Variants in SLC2A9 observed in about 807,000 individuals in gnomAD.
The protein encoded by SLC2A9 is solute carrier family 2 member 9.
In SLC2A9, 39 loss-of-function variants were observed where a neutral mutation model predicts 50.6. The ratio of observed to expected loss-of-function variants is 0.77; its 90% CI spans 0.60 to 1.01. SLC2A9 has a LOEUF of 1.01. SLC2A9 is among the 50% of genes least tolerant of loss of function. SLC2A9 has a pLI of 0.00. For missense variants in SLC2A9, 686 were observed against 677.6 expected (o/e 1.01, Z -0.14); for synonymous variants, 324 against 276.9 (o/e 1.17, Z -1.69).
At chr4:9,884,408 T>A (rs572215227) in intron 10 of SLC2A9, among the ~76,000 whole-genome samples, 2 of 151,390 alleles carry the variant, frequency 1.3e-5, no homozygotes, top group Non-Finnish European at 2.9e-5. Context: ...ATAGCTGAGA[T>A]TACAGGTACA....
At chr4:9,989,865 C>G (rs115524913) in intron 3 of SLC2A9, among the ~76,000 whole-genome samples, 133 of 152,054 alleles carry the variant, frequency 8.7e-4, no homozygotes, top group African/African-American at 3.2e-3. Flanking sequence ...GCTTTTGCAC[C>G]TGCTGCCTCC....
Position 9,936,672 on chromosome 4 carries a change from C to T in SLC2A9, c.814+5241G>A, listed in dbSNP as rs150683435. Among the ~76,000 whole-genome samples the T allele has an allele frequency of 2.6e-3, 390 of 152,198 alleles. 6 individuals are homozygous for T. Among genetic ancestry groups the T allele is most frequent in the African/African-American group, 9.2e-3 (381 of 41,500 alleles). On this transcript the variant is annotated intron_variant, in intron 6 of 11. Coordinates refer to ENST00000264784, the MANE Select transcript of SLC2A9 (RefSeq NM_020041.3). ...ACAGAAGGGGCGGGAAGGCGCTCGA[C>T]ATGCTAGAGGGAGGAGAAATCGGGG...
intron 5 of SLC2A9, among the ~76,000 whole-genome samples, chr4:9,967,167 T>C (rs1012007259): frequency 1.1e-4 from 17 of 152,226 alleles, no homozygotes; most frequent in Non-Finnish European, 1.5e-4. Flanking sequence ...GAGATTGTTT[T>C]TTAAAATTCA....
At chr4:9,967,554 A>G (rs964249581) in intron 5 of SLC2A9, among the ~76,000 whole-genome samples, 3 of 151,994 alleles carry the variant, frequency 2.0e-5, no homozygotes, top group Admixed American at 1.3e-4. Context: ...TTAAAAAATT[A>G]TAAGACAAAA....
chr4:9,827,376 G>A (rs1725319120), intron 11 of SLC2A9, among the ~76,000 whole-genome samples: 1 of 152,312 alleles, frequency 6.6e-6, no homozygotes, highest in African/African-American at 2.4e-5. Flanking sequence ...CACCATTCCA[G>A]AAATAAAAGA....
In SLC2A9 at chr4:9,882,706, C is replaced by T. The variant is rs796260008; in HGVS notation, c.1291+4861G>A. 3.1e-3 allele frequency among the ~76,000 whole-genome samples: 317 copies of T among 103,680 alleles called. 3 individuals are homozygous for T. The highest frequency in any genetic ancestry group is 9.0e-3 in the African/African-American group (289 of 32,286). 68.0% of individuals were successfully genotyped at this position (103,680 alleles called of 152,430 possible). On this transcript the variant is annotated intron_variant, in intron 10 of 11. Transcript: ENST00000264784. ...CCTGGGCAACAGAGTGAGACTCTGT[C>T]TCAAGAAAAAAAAAAAAAAAAAGGA...
chr4:10,022,676 A>C (rs2109573053), upstream of SLC2A9, among the ~76,000 whole-genome samples: 1 of 152,340 alleles, frequency 6.6e-6, no homozygotes, highest in South Asian at 2.1e-4. Flanking sequence ...CACAAAAGAG[A>C]GATCGAAAAG....
chr4:9,847,577 G>A (rs1448320368), intron 10 of SLC2A9, among the ~76,000 whole-genome samples: 2 of 152,178 alleles, frequency 1.3e-5, no homozygotes, highest in South Asian at 2.1e-4. Flanking sequence ...TGCTGGGAAC[G>A]GACTACGTGC....
upstream of SLC2A9, chr4:10,025,716 A>C (rs1560508163): frequency 1.0e-5 from 6 of 602,472 alleles, no homozygotes; most frequent in Admixed American, 2.9e-5. Context: ...CACTCTTCTG[A>C]GCCTCATCCC....
exon 4 of SLC2A9, chr4:9,799,082 T>C (rs1367609155): frequency 6.6e-6 from 1 of 152,172 alleles, no homozygotes; most frequent in Non-Finnish European, 1.5e-5. Context: ...CATGACTCAG[T>C]TTGACTTTTC....
chr4:9,834,893 G>A lies in SLC2A9; in HGVS notation c.1407C>T (p.Phe469=). 2 of 1,614,148 alleles carry A rather than the reference G, an allele frequency of 1.2e-6. No individual in the cohort carries two copies. Among genetic ancestry groups the A allele is most frequent in the South Asian group, 2.2e-5 (2 of 91,078 alleles). The change falls in exon 11 of 12, where the codon TTC becomes TTT. Residue 469 remains phenylalanine, a synonymous_variant. Transcript: ENST00000264784. ...WLSNFAVGLL[F]PFIQKSLDTY... is the part of the protein sequence containing the mutation. The stretch of plus-strand genomic sequence containing the variant: ...TTGTCAGTCATACCTGAATGAATGG[G>A]AAGAGGAGCCCAACAGCAAAGTTGG...
chr4:9,807,555 C>T (rs1361182338), intron 3 of SLC2A9, among the ~76,000 whole-genome samples: 3 of 152,186 alleles, frequency 2.0e-5, no homozygotes, highest in Admixed American at 6.5e-5. Flanking sequence ...GGCCTCTTGC[C>T]TTTTGCATTT....
chr4:10,020,196 C>T (rs962119138), intron 1 of SLC2A9, among the ~76,000 whole-genome samples: 2 of 152,082 alleles, frequency 1.3e-5, no homozygotes, highest in East Asian at 1.9e-4. Context: ...CTCTTGATGG[C>T]CACTTACCTG....
chr4:9,857,203 C>T (rs1404933613), intron 10 of SLC2A9, among the ~76,000 whole-genome samples: 2 of 152,204 alleles, frequency 1.3e-5, no homozygotes, highest in Non-Finnish European at 2.9e-5. Context: ...AGCTCAGAAC[C>T]TGGGTTCCCA....
At chr4:9,991,259 C>T (rs769505286) in intron 3 of SLC2A9, among the ~76,000 whole-genome samples, 4 of 152,202 alleles carry the variant, frequency 2.6e-5, no homozygotes, top group African/African-American at 4.8e-5. Context: ...ATGTGTGCAT[C>T]CCAATCCCTG....
At chr4:9,815,620 A>G (rs1723468781) in intron 3 of SLC2A9, among the ~76,000 whole-genome samples, 1 of 152,172 alleles carries the variant, frequency 6.6e-6, no homozygotes, top group African/African-American at 2.4e-5. Context: ...TGCATGCTTC[A>G]TTTGTTCCTC....
intron 5 of SLC2A9, among the ~76,000 whole-genome samples, chr4:9,945,457 C>A (rs1210509175): frequency 6.6e-6 from 1 of 152,198 alleles, no homozygotes; most frequent in African/African-American, 2.4e-5. Flanking sequence ...CTCATCCTCA[C>A]AATAGCTCGC....
At chr4:9,883,168 T>C (rs1735546929) in intron 10 of SLC2A9, among the ~76,000 whole-genome samples, 1 of 151,748 alleles carries the variant, frequency 6.6e-6, no homozygotes, top group South Asian at 2.1e-4. Context: ...TACACAGATT[T>C]GAAAATCTGA....
At chr4:9,787,981 A>G (rs2108873352) in intron 3 of SLC2A9, among the ~76,000 whole-genome samples, 1 of 152,316 alleles carries the variant, frequency 6.6e-6, no homozygotes, top group African/African-American at 2.4e-5. Context: ...GAGACTATGA[A>G]GATATCCTAT....
Sources: allele counts gnomAD v4.1 joint callset (sites outside exome capture counted in the v4.1 genomes callset), GRCh38; gene constraint gnomAD v4.1.1; transcripts MANE v1.5; gene names NCBI Gene and HGNC (gene_info 2026-07-23, HGNC 2026-07-21).